The following STRIP1 variants were observed in gnomAD, a reference collection of about 807,000 sequenced individuals.
STRIP1 encodes striatin interacting protein 1, also known as striatin-interacting protein 1.
Under a neutral mutation model 106.2 loss-of-function variants are expected in STRIP1, and 63 were observed. That is an observed-to-expected ratio of 0.59 (90% CI 0.48 to 0.73). The LOEUF is 0.73. Among genes scored for constraint, STRIP1 ranks in the 30% least tolerant of loss-of-function variants. The pLI is 0.00. For synonymous variants in STRIP1, 390 were observed against 413.0 expected, an observed-to-expected ratio of 0.94 and a Z score of 0.67; for missense variants, 857 against 1,074.8, an observed-to-expected ratio of 0.80 and a Z score of 2.83.
At chr1:110,053,570 C>A in intron 20 of STRIP1, 95 bp from the exon 21 acceptor site, 1 of 1,521,706 alleles carries the variant, frequency 6.6e-7, no homozygotes, top group Non-Finnish European at 8.9e-7. Context: ...AGGTATCCTG[C>A]TCTTAGTTGA....
chr1:110,040,832 G>A, intron 6 of STRIP1, 129 bp downstream of exon 6: 2 of 749,360 alleles, frequency 2.7e-6, no homozygotes, highest in East Asian at 2.9e-5. Context: ...TGTGTGATGG[G>A]CTCAGTGTGA....
At chr1:110,050,852 G>A in intron 18 of STRIP1, 104 bp from the exon 19 acceptor site, 3 of 709,776 alleles carry the variant, frequency 4.2e-6, no homozygotes, top group South Asian at 3.2e-5. Context: ...TCCTGGTAGA[G>A]GCCTGGAGAC....
At chr1:110,034,305 A>G (rs759230165), upstream of STRIP1, among the ~76,000 whole-genome samples, 1 of 152,226 alleles carries the variant, frequency 6.6e-6, no homozygotes, top group Non-Finnish European at 1.5e-5. Flanking sequence ...GTTCATTACA[A>G]AATTCCGCCT....
At chr1:110,045,866 G>A (rs1693152) in intron 12 of STRIP1, among the ~76,000 whole-genome samples, 23 of 152,202 alleles carry the variant, frequency 1.5e-4, no homozygotes, top group African/African-American at 5.3e-4. Flanking sequence ...TCCGATCAGA[G>A]AAGGGAGGAG....
chr1:110,038,031 A>G (rs1652545605), intron 2 of STRIP1, 71 bp downstream of exon 2: 2 of 822,838 alleles, frequency 2.4e-6, no homozygotes, highest in Non-Finnish European at 3.9e-6. Flanking sequence ...ATTAATAATG[A>G]ATATCATTTA....
At chr1:110,053,062 C>G (rs1401521569) in intron 20 of STRIP1, among the ~76,000 whole-genome samples, 1 of 152,228 alleles carries the variant, frequency 6.6e-6, no homozygotes, top group Non-Finnish European at 1.5e-5. Flanking sequence ...GTCAGTCCAG[C>G]CTCCATCATA....
At chr1:110,043,592 C>G (rs1229076267) in intron 9 of STRIP1, 47 bp from the exon 10 acceptor site, 4 of 1,533,198 alleles carry the variant, frequency 2.6e-6, no homozygotes, top group African/African-American at 1.4e-5. Context: ...CTTCCCTGGT[C>G]TGCGTCCTCA....
chr1:110,037,828 G>A (rs1652533577), intron 1 of STRIP1, 63 bp from the exon 2 acceptor site: 1 of 1,163,596 alleles, frequency 8.6e-7, no homozygotes, highest in South Asian at 1.2e-5. Flanking sequence ...GCATCTCGAA[G>A]CATGAGTTTC....
Position 110,049,494 on chromosome 1 carries a change from A to T in STRIP1, c.1823A>T (p.Asn608Ile). Residue 608 changes from asparagine (N) to isoleucine (I), a missense_variant, in exon 17 of 21, where the codon AAC (asparagine) becomes ATC (isoleucine). By Grantham distance (149) the Asn-to-Ile change is moderately radical. Around this residue, in one of 2 missense-constraint regions of STRIP1, gnomAD observed 750 missense variants for 989.8 expected, o/e 0.76. Transcript: ENST00000369795. The stretch of plus-strand genomic sequence containing the variant: ...ATGGCCCAGCACCTGGTGTTTGCCA[A>T]CTGCATTCCTTTGATCCTAAAGTTC... ...EYMAQHLVFA[N>I]CIPLILKFFN... The T allele has an allele frequency of 1.2e-6, 2 of 1,612,802 alleles. No homozygotes were observed. Among genetic ancestry groups the T allele is most frequent in the Non-Finnish European group, 1.7e-6 (2 of 1,179,836 alleles).
Position 110,053,952 on chromosome 1 carries a change from T to G in STRIP1, c.*40T>G. ...GGACTGAAATGGAGAGAAAAGATGA[T>G]CTGAAGGTACCTGTGGGACTGTCCT... On this transcript the variant is annotated 3_prime_UTR_variant, in exon 21 of 21. Transcript: ENST00000369795. 6.2e-7 allele frequency: 1 copy of G among 1,609,580 alleles called. No homozygotes were observed. The highest frequency in any genetic ancestry group is 8.5e-7 in the Non-Finnish European group (1 of 1,177,600).
chr1:110,036,987 A>C (rs1265724803), intron 1 of STRIP1, among the ~76,000 whole-genome samples: 1 of 152,012 alleles, frequency 6.6e-6, no homozygotes, highest in Non-Finnish European at 1.5e-5. Context: ...CCATGTAAAA[A>C]TATATTTTTA....
intron 10 of STRIP1, 67 bp downstream of exon 10, chr1:110,043,923 A>G (rs1222259242): frequency 2.8e-6 from 4 of 1,428,598 alleles, no homozygotes; most frequent in Non-Finnish European, 3.9e-6. Context: ...CAGGCCTGCC[A>G]CCTGGCCTGT....
intron 20 of STRIP1, among the ~76,000 whole-genome samples, chr1:110,052,805 A>C (rs2101788135): frequency 6.6e-6 from 1 of 152,100 alleles, no homozygotes; most frequent in South Asian, 2.1e-4. Flanking sequence ...GGTTCAAGCG[A>C]TCCACCAGCC....
At chr1:110,033,289 C>A (rs1652278597), upstream of STRIP1, among the ~76,000 whole-genome samples, 1 of 146,220 alleles carries the variant, frequency 6.8e-6, no homozygotes, top group South Asian at 2.3e-4. Flanking sequence ...GACAAAGATT[C>A]TCTTCTTTGG....
rs777047919 is a variant in STRIP1, at chr1:110,041,741, G to A, written c.765G>A (p.Pro255=). ...RQTFRAELGS[P]LYNNEPFAIM... is the part of the protein sequence containing the mutation. ...CCTTTGTGTCACCTCCAGGCTCCCC[G>A]CTGTACAACAATGAGCCATTTGCCA... The change falls in exon 8 of 21, where the codon CCG becomes CCA. Residue 255 remains proline, a synonymous_variant. Coordinates refer to ENST00000369795, the MANE Select transcript of STRIP1 (RefSeq NM_033088.4). The A allele has an allele frequency of 2.0e-5, 33 of 1,613,956 alleles. No homozygotes were observed. Among genetic ancestry groups the A allele is most frequent in the Admixed American group, 5.0e-5 (3 of 59,984 alleles).
Position 110,049,070 on chromosome 1 carries a change from A to C in STRIP1, c.1662-42A>C, listed in dbSNP as rs371904639. On this transcript the variant is annotated intron_variant, in intron 15 of 20. Coordinates refer to ENST00000369795, the MANE Select transcript of STRIP1 (RefSeq NM_033088.4). ...TTCTGTGGGCACCTAGAAATGAGGTACTGCGCATGCTGGTGGCTTACCCAG... is the reference window on the plus strand; with the variant it reads ...TTCTGTGGGCACCTAGAAATGAGGTCCTGCGCATGCTGGTGGCTTACCCAG... 1.4e-5 allele frequency: 22 copies of C among 1,613,086 alleles called. No individual in the cohort carries two copies. The African/African-American group carries it at 2.7e-4, about 20-fold the overall frequency.
chr1:110,034,997 C>T (rs370539123), intron 1 of STRIP1, among the ~76,000 whole-genome samples, 180 bp downstream of exon 1: 35 of 152,328 alleles, frequency 2.3e-4, no homozygotes, highest in African/African-American at 8.2e-4. Flanking sequence ...GGGTCTGGAG[C>T]ATGAGTCCTT....
In STRIP1 at chr1:110,043,795, C is replaced by T; in HGVS notation, c.1225C>T (p.Gln409Ter). 3.7e-6 allele frequency: 6 copies of T among 1,614,194 alleles called. No homozygotes were observed. The highest frequency in any genetic ancestry group is 1.1e-5 in the South Asian group (1 of 91,088). Residue 409 changes from glutamine to a stop codon, truncating the protein, a stop_gained, in exon 10 of 21, where the codon CAG becomes TAG. Coordinates refer to ENST00000369795, the MANE Select transcript of STRIP1 (RefSeq NM_033088.4). LOFTEE classifies it high-confidence loss of function. ...ERDEVMPPPL[Q>*]HPQTDRLTCP... Reference sequence around the variant, plus strand: ...GGATGAAGTGATGCCTCCCCCGCTACAGCACCCACAGACTGACAGGCTGAC... The same window carrying T: ...GGATGAAGTGATGCCTCCCCCGCTATAGCACCCACAGACTGACAGGCTGAC...
chr1:110,038,772 CA>C lies in STRIP1; in HGVS notation c.325+16del, dbSNP rs1557788193. On this transcript the variant is annotated intron_variant, in intron 3 of 20. Coordinates refer to ENST00000369795, the MANE Select transcript of STRIP1 (RefSeq NM_033088.4). ...CCGGATCCATGGTGAGATGATTTCC[CA>C]CACTTCTTGCTTCCTTTGCCCTGCA... The C allele has an allele frequency of 5.0e-6, 8 of 1,611,702 alleles. No individual in the cohort carries two copies. The highest frequency in any genetic ancestry group is 6.8e-6 in the Non-Finnish European group (8 of 1,177,886).
Sources: allele counts gnomAD v4.1 joint callset (sites outside exome capture counted in the v4.1 genomes callset), GRCh38; gene constraint gnomAD v4.1.1; regional missense constraint gnomAD v4.1.1; transcripts MANE v1.5; gene names NCBI Gene and HGNC (gene_info 2026-07-23, HGNC 2026-07-21).